Variants in PATL2 observed in about 807,000 individuals in gnomAD.
PATL2 encodes the protein PAT1 homolog 2.
A neutral mutation model predicts 77.0 loss-of-function variants in PATL2; 73 were observed. The observed-to-expected ratio is 0.95, with a 90% CI of 0.78 to 1.15. The LOEUF (loss-of-function observed/expected upper bound fraction) is 1.15. Among genes scored for constraint, PATL2 ranks in the 50% most tolerant of loss-of-function variants. The probability of loss-of-function intolerance (pLI) is 0.00; values close to 1 mark genes in which losing one functional copy is unlikely to be tolerated. For synonymous variants in PATL2, 265 were observed against 257.1 expected (o/e 1.03, Z -0.29); for missense variants, 618 against 655.4 (o/e 0.94, Z 0.62).
intron 3 of PATL2, among the ~76,000 whole-genome samples, chr15:44,707,282 C>T (rs1461976497): frequency 1.3e-5 from 2 of 152,028 alleles, no homozygotes; most frequent in African/African-American, 4.8e-5. Context: ...CTTTCCACTT[C>T]TTTTCTCAAG....
At chr15:44,667,838 G>A (rs2085459718) in intron 15 of PATL2, among the ~76,000 whole-genome samples, 2 of 152,198 alleles carry the variant, frequency 1.3e-5, no homozygotes, top group African/African-American at 4.8e-5. Context: ...AGCTACTTGG[G>A]AGGCTGAGGC....
chr15:44,675,454 C>A, intron 5 of PATL2, 32 bp downstream of exon 5: 2 of 1,540,408 alleles, frequency 1.3e-6, no homozygotes, highest in Admixed American at 2.0e-5. Flanking sequence ...CAGTTCAGGA[C>A]AACCCTCTCC....
rs1232788824 is a variant in PATL2 at position 44,673,357 on chromosome 15, G to A, written c.324C>T (p.Pro108=). The change falls in exon 7 of 18, where the codon CCC becomes CCT. Residue 108 remains proline, a synonymous_variant. Transcript: ENST00000682850. ...FLWQTLDYLS[P]IPFWPTFPST... is the part of the protein sequence containing the mutation. ...TGGGAAATGTAGGCCAGAAAGGGAT[G>A]GGCGACAGGTAGTCCAAGGTCTGAG... is the stretch of plus-strand genomic sequence containing the variant. The A allele has an allele frequency of 6.4e-7, 1 of 1,551,694 alleles. No homozygotes were observed. Among genetic ancestry groups the A allele is most frequent in the East Asian group, 2.4e-5 (1 of 40,910 alleles).
At chr15:44,701,820 C>T (rs759765412) in intron 3 of PATL2, among the ~76,000 whole-genome samples, 32 of 151,746 alleles carry the variant, frequency 2.1e-4, no homozygotes, top group Non-Finnish European at 4.1e-4. Flanking sequence ...TGCTCAGCTA[C>T]TGGGGAGACC....
chr15:44,690,824 T>C (rs80178475), intron 3 of PATL2, among the ~76,000 whole-genome samples: 8,018 of 152,204 alleles, frequency 0.053, 288 homozygotes, highest in Non-Finnish European at 0.081. Flanking sequence ...TCAGTAACCA[T>C]GTCAAAATTA....
intron 5 of PATL2, chr15:44,674,870 GTTTAA>G (rs1310273486): frequency 6.6e-6 from 1 of 152,150 alleles, no homozygotes; most frequent in African/African-American, 2.4e-5. Context: ...CCCCTGGCCA[GTTTAA>G]TTTAAGAATT....
At chr15:44,686,854 G>A (rs1323374774) in intron 3 of PATL2, among the ~76,000 whole-genome samples, 2 of 152,046 alleles carry the variant, frequency 1.3e-5, no homozygotes, top group Non-Finnish European at 2.9e-5. Context: ...GACTAAACCA[G>A]GAAGAAGTTG....
At chr15:44,690,118 G>GGC (rs1375278292) in intron 3 of PATL2, among the ~76,000 whole-genome samples, 1 of 152,068 alleles carries the variant, frequency 6.6e-6, no homozygotes, top group Non-Finnish European at 1.5e-5. Flanking sequence ...GAACATGGGA[G>GGC]GCGGAGGTTG....
chr15:44,683,899 A>G (rs1472253821), intron 3 of PATL2, among the ~76,000 whole-genome samples: 1 of 152,136 alleles, frequency 6.6e-6, no homozygotes, highest in Non-Finnish European at 1.5e-5. Flanking sequence ...AGAGGAAGGA[A>G]CAAGCAGCAA....
intron 3 of PATL2, among the ~76,000 whole-genome samples, chr15:44,697,958 C>T (rs896348355): frequency 6.6e-6 from 1 of 151,938 alleles, no homozygotes; most frequent in African/African-American, 2.4e-5. Flanking sequence ...AGGCTGGTCA[C>T]GAACTCATGG....
At chr15:44,668,922 G>C in intron 14 of PATL2, 58 bp downstream of exon 14, 2 of 1,450,136 alleles carry the variant, frequency 1.4e-6, no homozygotes, top group Middle Eastern at 1.8e-4. Flanking sequence ...CTGGAGGGGA[G>C]GAATGACCCC....
chr15:44,671,943 T>A, intron 9 of PATL2, 72 bp downstream of exon 9: 1 of 1,515,630 alleles, frequency 6.6e-7, no homozygotes, highest in Non-Finnish European at 8.9e-7. Flanking sequence ...GAAGAGAGGA[T>A]CAGAGCGGGC....
chr15:44,673,396 G>A lies in PATL2; in HGVS notation c.304-19C>T. ...CCAAGGTCTGAGAGAGGAATTAAGA[G>A]GTCTGGGAGAACGCCATCTCCACCA... On this transcript the variant is annotated intron_variant, in intron 6 of 17. Coordinates refer to ENST00000682850, the MANE Select transcript of PATL2 (RefSeq NM_001387263.1). 6.4e-7 allele frequency: 1 copy of A among 1,551,296 alleles called. No homozygotes were observed. Among genetic ancestry groups the A allele is most frequent in the Non-Finnish European group, 8.7e-7 (1 of 1,146,744 alleles).
At chr15:44,667,681 G>A (rs2085451782) in intron 15 of PATL2, among the ~76,000 whole-genome samples, 1 of 152,170 alleles carries the variant, frequency 6.6e-6, no homozygotes, top group Admixed American at 6.5e-5. Context: ...AGTGGCTCAT[G>A]CCTGTAATTC....
At chr15:44,676,267 G>A in intron 4 of PATL2, 1 of 591,068 alleles carries the variant, frequency 1.7e-6, no homozygotes, top group Admixed American at 2.7e-5. Flanking sequence ...GGCTGTCCTG[G>A]GTTGTTGTTG....
chr15:44,668,097 C>CA (rs2141166461), intron 15 of PATL2, among the ~76,000 whole-genome samples: 1 of 152,254 alleles, frequency 6.6e-6, no homozygotes, highest in Non-Finnish European at 1.5e-5. Context: ...ACATCAGCAG[C>CA]AATCAGGGAG....
intron 3 of PATL2, among the ~76,000 whole-genome samples, chr15:44,686,485 C>A (rs1044234532): frequency 9.2e-5 from 14 of 152,086 alleles, no homozygotes; most frequent in African/African-American, 3.4e-4. Flanking sequence ...ACCTTAACAT[C>A]ACAATTAAAA....
intron 3 of PATL2, among the ~76,000 whole-genome samples, chr15:44,680,289 T>C (rs949303230): frequency 6.6e-6 from 1 of 152,210 alleles, no homozygotes; most frequent in African/African-American, 2.4e-5. Flanking sequence ...TAATTTGTCC[T>C]TGTTTAGCTG....
At position 44,667,164 on chromosome 15, in the gene PATL2, C is replaced by T; in HGVS notation, c.1405G>A (p.Glu469Lys). 3 of 1,551,626 alleles carry T rather than the reference C, an allele frequency of 1.9e-6. No individual in the cohort carries two copies. Among genetic ancestry groups the T allele is most frequent in the African/African-American group, 1.4e-5 (1 of 73,144 alleles). ...SLLYALLSHG[E>K]QLVSLHSSLE... Reference sequence around the variant, plus strand: ...GAAGAATGCAGCGATACCAGTTGCTCCCCATGGCTCAGCAGGGCATAGAGC... The same window carrying T: ...GAAGAATGCAGCGATACCAGTTGCTTCCCATGGCTCAGCAGGGCATAGAGC... Residue 469 changes from glutamate (E) to lysine (K), a missense_variant, in exon 16 of 18, where the codon GAG becomes AAG. Transcript: ENST00000682850.
Sources: gnomAD v4.1 joint callset for allele counts (sites outside exome capture counted in the v4.1 genomes callset) on GRCh38, gnomAD v4.1.1 for gene constraint, MANE v1.5 for transcripts, NCBI Gene and HGNC (gene_info 2026-07-23, HGNC 2026-07-21) for gene names.